CYTH3: variants seen among roughly 807,000 people sequenced by gnomAD.
CYTH3 encodes cytohesin-3.
CYTH3 carries 23 observed loss-of-function variants against 55.1 expected under a neutral mutation model. That is an observed-to-expected ratio of 0.42 (90% CI 0.30 to 0.59). The LOEUF (loss-of-function observed/expected upper bound fraction) is 0.59. Among genes scored for constraint, CYTH3 ranks in the 20% least tolerant of loss-of-function variants. The pLI is 0.20. For missense variants in CYTH3, 413 were observed against 524.8 expected (o/e 0.79, Z 2.08); for synonymous variants, 249 against 194.9 (o/e 1.28, Z -2.31).
chr7:6,235,472 CAAA>C (rs57661153), intron 1 of CYTH3, among the ~76,000 whole-genome samples: 2 of 93,582 alleles, frequency 2.1e-5, no homozygotes, highest in African/African-American at 3.6e-5. Context: ...GACTCTATCT[CAAA>C]AAAAAAAAAA....
In CYTH3 at chr7:6,171,078, G is replaced by T; in HGVS notation, c.563-100C>A. On this transcript the variant is annotated intron_variant, in intron 7 of 12. Transcript: ENST00000350796. This position sits in a 1 kb window ranked among gnomAD's most constrained non-coding sequence, Gnocchi z 6.7. ...CCTGCAAGAGGTGCCCGGCCCACAG[G>T]TCGTCCTCGCTCAGGGAAGGCAGGT... The T allele has an allele frequency of 6.3e-7, 1 of 1,588,730 alleles. No homozygotes were observed. Among genetic ancestry groups the T allele is most frequent in the South Asian group, 1.1e-5 (1 of 89,300 alleles).
At chr7:6,234,441 T>C (rs529396077) in intron 1 of CYTH3, among the ~76,000 whole-genome samples, 50 of 152,278 alleles carry the variant, frequency 3.3e-4, no homozygotes, top group Non-Finnish European at 5.3e-4. Flanking sequence ...TCCTTCCCAA[T>C]AGAAGTTCAA....
chr7:6,164,861 T>C lies in CYTH3; in HGVS notation c.*83A>G, dbSNP rs1205446300. ...TTGCACCGCAGGGCGACTGCCTCCCTGCCACGCCTTCCGCGGAGGGGCCGC... is the reference window on the plus strand; with the variant it reads ...TTGCACCGCAGGGCGACTGCCTCCCCGCCACGCCTTCCGCGGAGGGGCCGC... On this transcript the variant is annotated 3_prime_UTR_variant, in exon 13 of 13. Transcript: ENST00000350796. 8 of 1,487,774 alleles carry C rather than the reference T, an allele frequency of 5.4e-6. No homozygotes were observed. Among genetic ancestry groups the C allele is most frequent in the Non-Finnish European group, 6.6e-6 (7 of 1,067,650 alleles). 92.2% of individuals were successfully genotyped at this position (1,487,774 alleles called of 1,614,324 possible). A position where few individuals can be genotyped will look rare whatever the true frequency, so the allele number is the denominator to read the frequency against.
chr7:6,260,655 T>C (rs753677496), intron 1 of CYTH3, among the ~76,000 whole-genome samples: 2 of 152,202 alleles, frequency 1.3e-5, no homozygotes, highest in African/African-American at 2.4e-5. Flanking sequence ...TCTAAGTGCA[T>C]TCAACACAGC....
At chr7:6,268,367 A>G (rs1014066901) in intron 1 of CYTH3, among the ~76,000 whole-genome samples, 2 of 152,082 alleles carry the variant, frequency 1.3e-5, no homozygotes, top group African/African-American at 4.8e-5. Context: ...ACGGAGTTTC[A>G]CCATGCTGCC....
chr7:6,190,293 T>C, intron 2 of CYTH3, among the ~76,000 whole-genome samples, 156 bp downstream of exon 2: 1 of 151,888 alleles, frequency 6.6e-6, no homozygotes, highest in South Asian at 2.1e-4. Context: ...CTTTGTGTAG[T>C]TCTTATATGC....
chr7:6,222,722 G>A (rs1237161640), intron 1 of CYTH3, among the ~76,000 whole-genome samples: 1 of 150,790 alleles, frequency 6.6e-6, no homozygotes, highest in African/African-American at 2.4e-5. Flanking sequence ...ACTCCAGCCT[G>A]GGCAACAGAG....
At chr7:6,266,116 G>A (rs558140611) in intron 1 of CYTH3, among the ~76,000 whole-genome samples, 19 of 151,854 alleles carry the variant, frequency 1.3e-4, no homozygotes, top group African/African-American at 3.1e-4. Flanking sequence ...ACCAAGCCCC[G>A]TAACTCTCAC....
At chr7:6,194,945 A>G (rs1783890630) in intron 1 of CYTH3, among the ~76,000 whole-genome samples, 1 of 152,206 alleles carries the variant, frequency 6.6e-6, no homozygotes, top group African/African-American at 2.4e-5. Flanking sequence ...ATTGCACTCC[A>G]GCCTGAGCCA....
intron 1 of CYTH3, among the ~76,000 whole-genome samples, chr7:6,263,127 C>A (rs1256868887): frequency 6.6e-6 from 1 of 152,146 alleles, no homozygotes; most frequent in African/African-American, 2.4e-5. Flanking sequence ...ACATTCCATC[C>A]CATAACAAGA....
At position 6,259,746 on chromosome 7, in the gene CYTH3, ATATATATATATTATATATATATATAT is replaced by A. The variant is rs1562417203; in HGVS notation, c.34+12702_34+12727del. On this transcript the variant is annotated intron_variant, in intron 1 of 12. Transcript: ENST00000350796. ...AATATTTTACATACATATATATAAT[ATATATATATATTATATATATATATAT>A]TATATATATATAATATATATATATA... Among the ~76,000 whole-genome samples, 41 of 17,468 alleles carry A rather than the reference ATATATATATATTATATATATATATAT, an allele frequency of 2.3e-3. 1 individual carries two copies. The Middle Eastern group carries it at 0.068, about 29-fold the overall frequency. 11.5% of individuals were successfully genotyped at this position (17,468 alleles called of 152,430 possible). A position where few individuals can be genotyped will look rare whatever the true frequency, so the allele number is the denominator to read the frequency against.
intron 1 of CYTH3, among the ~76,000 whole-genome samples, chr7:6,221,961 A>C (rs1194244315): frequency 2.0e-5 from 3 of 152,182 alleles, no homozygotes; most frequent in Non-Finnish European, 4.4e-5. Context: ...AAAAAACAAA[A>C]ACAAAAAAAA....
intron 1 of CYTH3, among the ~76,000 whole-genome samples, chr7:6,263,604 T>C (rs1780411204): frequency 6.6e-6 from 1 of 152,130 alleles, no homozygotes; most frequent in Non-Finnish European, 1.5e-5. Context: ...AAGACCAGCC[T>C]GGCCAACGTA....
intron 1 of CYTH3, among the ~76,000 whole-genome samples, chr7:6,226,654 C>A (rs1021800533): frequency 1.3e-5 from 2 of 152,126 alleles, no homozygotes; most frequent in African/African-American, 2.4e-5. Flanking sequence ...TTTGTATTCC[C>A]AACTCTGACT....
rs1163305117 is a variant in CYTH3, at chr7:6,163,825, TAGAA to T, written c.*1115_*1118del. The T allele has an allele frequency of 1.3e-5, 2 of 152,196 alleles. No homozygotes were observed. The highest frequency in any genetic ancestry group is 6.5e-5 in the Admixed American group (1 of 15,280). 9.4% of individuals were successfully genotyped at this position (152,196 alleles called of 1,614,324 possible). A position where few individuals can be genotyped will look rare whatever the true frequency, so the allele number is the denominator to read the frequency against. On this transcript the variant is annotated 3_prime_UTR_variant, in exon 13 of 13. Transcript: ENST00000350796. ...TATTCATTAAGAAATCTGGTCAAAT[TAGAA>T]AGTCTGTAAAATAAGCGTTCATTTT...
At chr7:6,193,609 C>T (rs1363872754) in intron 1 of CYTH3, among the ~76,000 whole-genome samples, 1 of 152,118 alleles carries the variant, frequency 6.6e-6, no homozygotes, top group Non-Finnish European at 1.5e-5. Flanking sequence ...TGAGAGAATC[C>T]CCACAAGGCT....
At chr7:6,272,238 G>A (rs540639241) in intron 1 of CYTH3, among the ~76,000 whole-genome samples, 3 of 151,430 alleles carry the variant, frequency 2.0e-5, no homozygotes, top group South Asian at 2.1e-4. Context: ...CCCCGGCCTG[G>A]TACCCAGACC....
chr7:6,201,728 T>C (rs560249303), intron 1 of CYTH3, among the ~76,000 whole-genome samples: 1 of 152,280 alleles, frequency 6.6e-6, no homozygotes, highest in African/African-American at 2.4e-5. Context: ...GGGAAGTAAT[T>C]TGCTCTCAAG....
intron 4 of CYTH3, among the ~76,000 whole-genome samples, chr7:6,182,239 G>A (rs778312403): frequency 6.6e-5 from 10 of 151,976 alleles, no homozygotes; most frequent in Non-Finnish European, 1.5e-4. Context: ...TAGTAGAGAT[G>A]GGGTTTCACC....
Sources: allele counts gnomAD v4.1 joint callset (sites outside exome capture counted in the v4.1 genomes callset), GRCh38; gene constraint gnomAD v4.1.1; non-coding constraint Gnocchi (gnomAD v3.1); transcripts MANE v1.5; gene names NCBI Gene and HGNC (gene_info 2026-07-23, HGNC 2026-07-21).